LRIG3: variants seen among roughly 807,000 people sequenced by gnomAD.
The protein encoded by LRIG3 is leucine-rich repeats and immunoglobulin-like domains protein 3.
LRIG3 carries 76 observed loss-of-function variants against 114.5 expected under a neutral mutation model. The ratio of observed to expected loss-of-function variants is 0.66; its 90% confidence interval spans 0.55 to 0.80. The LOEUF (loss-of-function observed/expected upper bound fraction) is 0.80. Ranked by LOEUF, LRIG3 falls within the 30% of genes least tolerant of loss-of-function variation. The probability of loss-of-function intolerance (pLI) is 0.00; values close to 1 mark genes in which losing one functional copy is unlikely to be tolerated. For missense variants in LRIG3, 1,239 were observed against 1,382.8 expected (o/e 0.90, Z 1.65); for synonymous variants, 512 against 519.8 (o/e 0.98, Z 0.20).
intron 1 of LRIG3, among the ~76,000 whole-genome samples, chr12:58,917,280 A>G (rs1199310450): frequency 6.6e-6 from 1 of 152,244 alleles, no homozygotes; most frequent in Non-Finnish European, 1.5e-5. Context: ...CTGAAATGCC[A>G]GTGAGAATTT....
chr12:58,895,565 C>T (rs971829507), intron 3 of LRIG3, among the ~76,000 whole-genome samples: 1 of 152,116 alleles, frequency 6.6e-6, no homozygotes, highest in African/African-American at 2.4e-5. Flanking sequence ...AGAGTGAGGC[C>T]GCCGGGAGAT....
intron 3 of LRIG3, among the ~76,000 whole-genome samples, chr12:58,904,296 G>A (rs10877186): frequency 6.6e-6 from 1 of 152,024 alleles, no homozygotes; most frequent in Non-Finnish European, 1.5e-5. Context: ...TAGGCCAGGA[G>A]AGAGACACAT....
Position 58,876,536 on chromosome 12 carries a change from C to G in LRIG3, c.2604G>C (p.Gln868His), listed in dbSNP as rs1870923504. The change falls in exon 16 of 19, where the codon CAG becomes CAC. Residue 868 changes from glutamine (Q) to histidine (H), a missense_variant. Physicochemically the swap from Gln to His is conservative, Grantham distance 24. Coordinates refer to ENST00000320743, the MANE Select transcript of LRIG3 (RefSeq NM_153377.5). Reference protein sequence around the residue: ...LSSQGTLADRQDGYVSSESGS... With the variant: ...LSSQGTLADRHDGYVSSESGS... Reference sequence around the variant, plus strand: ...CACTTTCTGAAGACACGTACCCATCCTGCCTGTCAGCTAACGTTCCCTGAG... The same window carrying G: ...CACTTTCTGAAGACACGTACCCATCGTGCCTGTCAGCTAACGTTCCCTGAG... 1 of 1,614,174 alleles carries G rather than the reference C, an allele frequency of 6.2e-7. No individual in the cohort carries two copies. The highest frequency in any genetic ancestry group is 1.3e-5 in the African/African-American group (1 of 75,048).
At chr12:58,909,799 C>G (rs1227937783) in intron 3 of LRIG3, among the ~76,000 whole-genome samples, 2 of 152,248 alleles carry the variant, frequency 1.3e-5, no homozygotes, top group Non-Finnish European at 2.9e-5. Flanking sequence ...TTGAGCTTTA[C>G]TTTTAATCAC....
At chr12:58,888,305 G>C in intron 7 of LRIG3, 24 bp downstream of exon 7, 1 of 1,607,456 alleles carries the variant, frequency 6.2e-7, no homozygotes, top group Non-Finnish European at 8.5e-7. Context: ...CAAACCTGAG[G>C]AGAATAAATA....
Position 58,914,061 on chromosome 12 carries a change from A to G in LRIG3, c.309-5T>C. ...AATTCATTGTTGTTCAGTTTCCTAC[A>G]AATGCCAAAAAAAAAAAGAAAAAGA... is the stretch of plus-strand genomic sequence containing the variant. On this transcript the variant is annotated splice_region_variant and splice_polypyrimidine_tract_variant and intron_variant, in intron 2 of 18. Coordinates refer to ENST00000320743, the MANE Select transcript of LRIG3 (RefSeq NM_153377.5). 1 of 1,594,544 alleles carries G rather than the reference A, an allele frequency of 6.3e-7. No homozygotes were observed.
At chr12:58,916,153 G>A (rs774954829) in intron 1 of LRIG3, among the ~76,000 whole-genome samples, 2 of 150,722 alleles carry the variant, frequency 1.3e-5, no homozygotes, top group Middle Eastern at 3.4e-3. Flanking sequence ...ATGAGACGGA[G>A]TGCTTAACTT....
chr12:58,919,078 G>A (rs1846214151), intron 1 of LRIG3, among the ~76,000 whole-genome samples: 1 of 152,076 alleles, frequency 6.6e-6, no homozygotes, highest in Non-Finnish European at 1.5e-5. Context: ...ATTTTAAACA[G>A]AACAACTACT....
At chr12:58,912,268 G>T (rs544234297) in intron 3 of LRIG3, among the ~76,000 whole-genome samples, 1 of 152,154 alleles carries the variant, frequency 6.6e-6, no homozygotes, top group Non-Finnish European at 1.5e-5. Flanking sequence ...AGGCCGAGGC[G>T]GGAGGATTAC....
At chr12:58,895,893 C>T (rs1021443034) in intron 3 of LRIG3, among the ~76,000 whole-genome samples, 2 of 152,172 alleles carry the variant, frequency 1.3e-5, no homozygotes, top group African/African-American at 4.8e-5. Flanking sequence ...TGCTTTTCTC[C>T]TTCCCTGACA....
intron 3 of LRIG3, among the ~76,000 whole-genome samples, chr12:58,902,303 A>G (rs1031698673): frequency 1.1e-4 from 17 of 152,174 alleles, no homozygotes; most frequent in South Asian, 4.1e-4. Context: ...TTTTGATTCT[A>G]TATCATAATT....
At chr12:58,886,257 C>T (rs929542177) in intron 9 of LRIG3, among the ~76,000 whole-genome samples, 23 of 151,978 alleles carry the variant, frequency 1.5e-4, no homozygotes, top group Non-Finnish European at 3.2e-4. Context: ...TCCTTCCTCT[C>T]CTTCTCTGTG....
intron 10 of LRIG3, among the ~76,000 whole-genome samples, chr12:58,884,086 C>T (rs1026950606): frequency 2.6e-5 from 4 of 152,106 alleles, no homozygotes; most frequent in African/African-American, 4.8e-5. Context: ...TAGCTCAGCA[C>T]GAAAGGGGAA....
At chr12:58,880,955 A>C (rs1871109862) in intron 12 of LRIG3, 54 bp from the exon 13 acceptor site, 1 of 1,519,566 alleles carries the variant, frequency 6.6e-7, no homozygotes. Flanking sequence ...AAGAGTCCAA[A>C]TACTACTCAA....
chr12:58,913,433 A>T (rs1363263564), intron 3 of LRIG3: 1 of 152,278 alleles, frequency 6.6e-6, no homozygotes, highest in Admixed American at 6.5e-5. Context: ...TTGAAAACTC[A>T]TATTTGCAAA....
chr12:58,900,087 T>TAAATTTATTTTAA (rs1460916217), intron 3 of LRIG3, among the ~76,000 whole-genome samples: 1 of 152,076 alleles, frequency 6.6e-6, no homozygotes, highest in East Asian at 1.9e-4. Context: ...CTATTTAAGG[T>TAAATTTATTTTAA]CTCCCAAAAT....
chr12:58,887,869 T>C lies in LRIG3; in HGVS notation c.1011A>G (p.Leu337=), dbSNP rs1344091455. Reference sequence around the variant, plus strand: ...TGTTGTTCCCAATGTGCAGTGTATTTAGTAAGCTTAGGCCAAGGAAGCTTG... The same window carrying C: ...TGTTGTTCCCAATGTGCAGTGTATTCAGTAAGCTTAGGCCAAGGAAGCTTG... ...DDSSFLGLSL[L]NTLHIGNNRV... is the part of the protein sequence containing the mutation. The change falls in exon 8 of 19, where the codon CTA becomes CTG. Residue 337 remains leucine (L), a synonymous_variant. Transcript: ENST00000320743. 1.1e-5 allele frequency: 18 copies of C among 1,613,830 alleles called. No individual in the cohort carries two copies. The highest frequency in any genetic ancestry group is 1.2e-5 in the Non-Finnish European group (14 of 1,179,876).
At chr12:58,878,730 T>C (rs927860464) in intron 14 of LRIG3, 94 bp downstream of exon 14, 12 of 1,412,814 alleles carry the variant, frequency 8.5e-6, no homozygotes, top group Non-Finnish European at 8.7e-6. Context: ...CATCTTCATC[T>C]CTTACTCTCA....
At chr12:58,918,889 T>G (rs1415300223) in intron 1 of LRIG3, among the ~76,000 whole-genome samples, 3 of 152,200 alleles carry the variant, frequency 2.0e-5, no homozygotes, top group Non-Finnish European at 2.9e-5. Flanking sequence ...CAATTCTACA[T>G]TCACAAAAGT....
Sources: gnomAD v4.1 joint callset for allele counts (sites outside exome capture counted in the v4.1 genomes callset) on GRCh38, gnomAD v4.1.1 for gene constraint, MANE v1.5 for transcripts, NCBI Gene and HGNC (gene_info 2026-07-23, HGNC 2026-07-21) for gene names.